The following TMEM132B variants were observed in gnomAD, a reference collection of about 807,000 sequenced individuals.
TMEM132B encodes transmembrane protein 132B.
In TMEM132B, 18 loss-of-function variants were observed where a neutral mutation model predicts 90.8. The observed-to-expected ratio is 0.20, with a 90% CI of 0.14 to 0.29. The LOEUF is 0.29. Among genes scored for constraint, TMEM132B ranks in the 10% least tolerant of loss-of-function variants. The pLI is 1.00. For missense variants in TMEM132B, 1,096 were observed against 1,326.8 expected, an observed-to-expected ratio of 0.83 and a Z score of 2.70; for synonymous variants, 504 against 523.3, an observed-to-expected ratio of 0.96 and a Z score of 0.50.
intron 1 of TMEM132B, among the ~76,000 whole-genome samples, chr12:125,220,874 A>G (rs1873541418): frequency 6.6e-6 from 1 of 152,212 alleles, no homozygotes; most frequent in Non-Finnish European, 1.5e-5. Flanking sequence ...TTGGCCCACA[A>G]GGCCTCTCCT....
intron 5 of TMEM132B, among the ~76,000 whole-genome samples, chr12:125,619,220 G>A (rs1886060904): frequency 6.6e-6 from 1 of 152,184 alleles, no homozygotes; most frequent in South Asian, 2.1e-4. Context: ...CAAAAATCCA[G>A]GCAAAGAGTC....
intron 3 of TMEM132B, among the ~76,000 whole-genome samples, chr12:125,449,913 G>C (rs1249533005): frequency 2.6e-5 from 4 of 152,286 alleles, no homozygotes; most frequent in African/African-American, 9.6e-5. Context: ...GCCAACCAAA[G>C]AAATGACATT....
intron 4 of TMEM132B, among the ~76,000 whole-genome samples, chr12:125,546,457 C>T (rs1884096949): frequency 6.6e-6 from 1 of 152,224 alleles, no homozygotes; most frequent in African/African-American, 2.4e-5. Context: ...GCTGGGATTA[C>T]AGGCATGAGC....
At chr12:125,529,679 A>G (rs1376441526) in intron 4 of TMEM132B, among the ~76,000 whole-genome samples, 1 of 152,218 alleles carries the variant, frequency 6.6e-6, no homozygotes, top group Non-Finnish European at 1.5e-5. Context: ...GGTCTGTCCC[A>G]GCTTTGGGAA....
At chr12:125,442,807 A>G (rs1880911939) in intron 3 of TMEM132B, among the ~76,000 whole-genome samples, 1 of 152,150 alleles carries the variant, frequency 6.6e-6, no homozygotes, top group South Asian at 2.1e-4. Context: ...GCACATAGAA[A>G]TGCATATCTT....
At chr12:125,282,334 C>G (rs1390384462) in intron 1 of TMEM132B, among the ~76,000 whole-genome samples, 1 of 152,206 alleles carries the variant, frequency 6.6e-6, no homozygotes, top group Non-Finnish European at 1.5e-5. Context: ...CACTCTCCCT[C>G]ACTCCTCAGC....
In TMEM132B at chr12:125,503,253, A is replaced by T. The variant is rs574539914; in HGVS notation, c.1107-16186A>T. ...CCCGGGCTGTGCTTTGTCTCCTGGC[A>T]CCCTGGGGGCCCTCTCTGGTGGTGG... On this transcript the variant is annotated intron_variant, in intron 3 of 8. Transcript: ENST00000682704. Among the ~76,000 whole-genome samples, 5 of 152,166 alleles carry T rather than the reference A, an allele frequency of 3.3e-5. No individual in the cohort carries two copies. The East Asian group carries it at 7.7e-4, about 24-fold the overall frequency.
intron 1 of TMEM132B, among the ~76,000 whole-genome samples, chr12:125,322,243 G>A (rs1396659381): frequency 1.3e-5 from 2 of 152,170 alleles, no homozygotes; most frequent in African/African-American, 4.8e-5. Context: ...TTTATAAAGG[G>A]CAGTTCCCCT....
chr12:125,509,162 C>A (rs1882918365), intron 3 of TMEM132B, among the ~76,000 whole-genome samples: 1 of 152,180 alleles, frequency 6.6e-6, no homozygotes, highest in Non-Finnish European at 1.5e-5. Flanking sequence ...GGCTGGGGAC[C>A]TAGTGGTCAC....
At chr12:125,312,305 G>T (rs1436907666) in intron 1 of TMEM132B, among the ~76,000 whole-genome samples, 1 of 152,196 alleles carries the variant, frequency 6.6e-6, no homozygotes, top group African/African-American at 2.4e-5. Context: ...GCTCCTTCCA[G>T]CTGCCTCGCA....
At chr12:125,294,920 A>T (rs1451857367) in intron 1 of TMEM132B, among the ~76,000 whole-genome samples, 1 of 152,226 alleles carries the variant, frequency 6.6e-6, no homozygotes, top group Non-Finnish European at 1.5e-5. Context: ...GGTGTATACA[A>T]TAAAATATCA....
chr12:125,499,428 T>C (rs1387022196), intron 3 of TMEM132B, among the ~76,000 whole-genome samples: 2 of 152,158 alleles, frequency 1.3e-5, no homozygotes, highest in African/African-American at 2.4e-5. Context: ...CAATGCCAGG[T>C]TGGACTGCCA....
At chr12:125,187,417 C>A (rs1355156675) in intron 1 of TMEM132B, among the ~76,000 whole-genome samples, 1 of 152,208 alleles carries the variant, frequency 6.6e-6, no homozygotes, top group Non-Finnish European at 1.5e-5. Flanking sequence ...AAGCTACCCA[C>A]CCTCGCCAAA....
At chr12:125,287,012 CTT>C (rs34506859) in intron 1 of TMEM132B, among the ~76,000 whole-genome samples, 10 of 142,516 alleles carry the variant, frequency 7.0e-5, no homozygotes, top group South Asian at 2.3e-4. Flanking sequence ...CAGAATTCCT[CTT>C]TTTTTTTTTT....
chr12:125,302,635 A>G (rs1028767022), intron 1 of TMEM132B, among the ~76,000 whole-genome samples: 2 of 152,208 alleles, frequency 1.3e-5, no homozygotes. Flanking sequence ...CAAAGAGGGC[A>G]AAAGGTGTTT....
chr12:125,553,421 G>T (rs1884287447), intron 4 of TMEM132B, among the ~76,000 whole-genome samples: 1 of 152,224 alleles, frequency 6.6e-6, no homozygotes, highest in Non-Finnish European at 1.5e-5. Context: ...TGTGATTGCA[G>T]TTGTGGCAAG....
chr12:125,449,490 G>C (rs1302477689), intron 3 of TMEM132B, among the ~76,000 whole-genome samples: 1 of 151,972 alleles, frequency 6.6e-6, no homozygotes, highest in Admixed American at 6.5e-5. Flanking sequence ...TAGTCTGGCT[G>C]GAGATTTATC....
At chr12:125,575,083 T>TATATATATATATATATATATAC (rs61155232) in intron 4 of TMEM132B, among the ~76,000 whole-genome samples, 1 of 114,614 alleles carries the variant, frequency 8.7e-6, no homozygotes, top group African/African-American at 3.0e-5. Context: ...TATATATATA[T>TATATATATATATATATATATAC]TCAGGAGTAG....
At chr12:125,342,590 C>T (rs1455364725) in intron 1 of TMEM132B, among the ~76,000 whole-genome samples, 3 of 152,180 alleles carry the variant, frequency 2.0e-5, no homozygotes, top group Non-Finnish European at 4.4e-5. Context: ...GAACTATCTG[C>T]TTCTTCCATT....
Sources: gnomAD v4.1 joint callset for allele counts (sites outside exome capture counted in the v4.1 genomes callset) on GRCh38, gnomAD v4.1.1 for gene constraint, MANE v1.5 for transcripts, NCBI Gene and HGNC (gene_info 2026-07-23, HGNC 2026-07-21) for gene names.